Variants in CFAP47 observed in about 807,000 individuals in gnomAD.
CFAP47 encodes cilia- and flagella-associated protein 47.
Under a neutral mutation model 148.1 loss-of-function variants are expected in CFAP47, and 29 were observed. The ratio of observed to expected loss-of-function variants is 0.20; its 90% CI spans 0.15 to 0.27. The LOEUF is 0.27. CFAP47 is among the 10% of genes least tolerant of loss of function. The pLI, the probability that CFAP47 is intolerant of heterozygous loss-of-function variation, is 1.00. For missense variants in CFAP47, 1,872 were observed against 1,697.5 expected, an observed-to-expected ratio of 1.10 and a Z score of -1.81; for synonymous variants, 664 against 577.3, an observed-to-expected ratio of 1.15 and a Z score of -2.15.
chrX:36,134,582 GT>G (rs199989412), intron 33 of CFAP47, among the ~76,000 whole-genome samples: 4,830 of 111,254 alleles, frequency 0.043, 267 homozygotes, highest in African/African-American at 0.15. Flanking sequence ...AAGTGCATAT[GT>G]AAAAAATGAG....
intron 28 of CFAP47, among the ~76,000 whole-genome samples, chrX:36,072,525 C>T (rs933517140): frequency 2.7e-5 from 3 of 111,810 alleles, no homozygotes; most frequent in Non-Finnish European, 5.6e-5. Context: ...ATATTTATTT[C>T]TCTGGATGTA....
At chrX:36,032,600 C>T (rs1413881688) in intron 23 of CFAP47, among the ~76,000 whole-genome samples, 1 of 110,467 alleles carries the variant, frequency 9.1e-6, no homozygotes, top group Non-Finnish European at 1.9e-5. Context: ...ATATGAATAT[C>T]CAAAATAGGA....
chrX:35,974,174 T>C (rs138703228), intron 13 of CFAP47, among the ~76,000 whole-genome samples: 1,970 of 111,801 alleles, frequency 0.018, 18 homozygotes, highest in Non-Finnish European at 0.031. Context: ...TTTTACCAGG[T>C]GGTTAGCATC....
At chrX:36,254,472 A>T (rs949400043) in intron 49 of CFAP47, among the ~76,000 whole-genome samples, 2 of 110,731 alleles carry the variant, frequency 1.8e-5, no homozygotes, top group Non-Finnish European at 3.8e-5. Flanking sequence ...ACTGAGTTTG[A>T]AAAAGGGAAA....
At position 35,998,768 on chromosome X, in the gene CFAP47, TTAAACTCTG is replaced by T. The variant is rs761148851; in HGVS notation, c.3177+1382_3177+1390del. On this transcript the variant is annotated intron_variant, in intron 19 of 63. Coordinates refer to ENST00000378653, the MANE Select transcript of CFAP47 (RefSeq NM_001304548.2). ...CCAAGGCTGTGGTGATTCCTGGAGG[TTAAACTCTG>T]TAGTATCCAGAGTGTTTTTTGCATT... Among the ~76,000 whole-genome samples the T allele has an allele frequency of 3.6e-5, 4 of 111,791 alleles. No homozygotes were observed. The East Asian group carries it at 1.1e-3, about 31-fold the overall frequency.
At chrX:36,290,053 C>G (rs1264889301) in intron 51 of CFAP47, among the ~76,000 whole-genome samples, 1 of 110,540 alleles carries the variant, frequency 9.0e-6, no homozygotes, top group Non-Finnish European at 1.9e-5. Context: ...TCCTCCCTCC[C>G]TCTTCTCTTC....
chrX:36,063,352 C>T (rs1017944075), intron 26 of CFAP47, among the ~76,000 whole-genome samples: 2 of 111,046 alleles, frequency 1.8e-5, no homozygotes, highest in Non-Finnish European at 3.8e-5. Flanking sequence ...ACTGTATGTC[C>T]TTTTTTCTGT....
chrX:35,974,888 G>A (rs1936545483), intron 13 of CFAP47, among the ~76,000 whole-genome samples: 1 of 110,117 alleles, frequency 9.1e-6, no homozygotes, highest in African/African-American at 3.3e-5. Context: ...TGTAGTGAAT[G>A]GTTCTTATTT....
At chrX:36,279,287 A>T (rs1345637798) in intron 49 of CFAP47, among the ~76,000 whole-genome samples, 1 of 111,954 alleles carries the variant, frequency 8.9e-6, no homozygotes, top group Non-Finnish European at 1.9e-5. Context: ...TTATTTCAAG[A>T]TGATTTTACT....
intron 39 of CFAP47, among the ~76,000 whole-genome samples, chrX:36,172,030 A>G (rs1470004206): frequency 9.1e-6 from 1 of 109,775 alleles, no homozygotes; most frequent in Non-Finnish European, 1.9e-5. Context: ...TGTAAGTTGA[A>G]TTCCTAGGTA....
intron 18 of CFAP47, among the ~76,000 whole-genome samples, chrX:35,995,294 G>C (rs868570854): frequency 9.0e-6 from 1 of 111,557 alleles, no homozygotes; most frequent in African/African-American, 3.3e-5. Flanking sequence ...TATATGACCC[G>C]TGTAAGTTTT....
At chrX:36,269,008 T>C (rs782586712) in intron 49 of CFAP47, among the ~76,000 whole-genome samples, 6 of 112,147 alleles carry the variant, frequency 5.4e-5, no homozygotes, top group Non-Finnish European at 1.1e-4. Context: ...GAATTGGCTC[T>C]TAAATCTTTT....
At chrX:35,924,561 G>A (rs768734847) in intron 1 of CFAP47, among the ~76,000 whole-genome samples, 1 of 104,388 alleles carries the variant, frequency 9.6e-6, no homozygotes, top group Non-Finnish European at 2.0e-5. Flanking sequence ...GTATATATGC[G>A]CATATATGTG....
At chrX:35,976,868 A>G (rs926804471) in intron 15 of CFAP47, among the ~76,000 whole-genome samples, 3 of 111,658 alleles carry the variant, frequency 2.7e-5, no homozygotes, top group Admixed American at 1.9e-4. Flanking sequence ...CGTGCCCTGT[A>G]TTTGTGAAGC....
chrX:36,170,982 T>C (rs1294636739), intron 39 of CFAP47, among the ~76,000 whole-genome samples: 1 of 110,469 alleles, frequency 9.1e-6, no homozygotes, highest in African/African-American at 3.3e-5. Flanking sequence ...TTTTAATGAT[T>C]GCCATTCTAC....
At chrX:36,066,889 G>T (rs1266369671) in intron 27 of CFAP47, among the ~76,000 whole-genome samples, 3 of 111,526 alleles carry the variant, frequency 2.7e-5, no homozygotes, top group Non-Finnish European at 5.7e-5. Context: ...AGCAGCAGAG[G>T]AAATTAAACA....
intron 49 of CFAP47, among the ~76,000 whole-genome samples, chrX:36,277,981 G>T (rs1248886509): frequency 9.0e-6 from 1 of 111,449 alleles, no homozygotes; most frequent in Admixed American, 9.5e-5. Context: ...ATGGGCACCA[G>T]CCTGTATGAG....
chrX:36,161,691 T>G (rs1329402220), intron 39 of CFAP47, among the ~76,000 whole-genome samples: 2 of 112,110 alleles, frequency 1.8e-5, no homozygotes, highest in Non-Finnish European at 3.8e-5. Context: ...CAGATTCTTA[T>G]GATACTTATA....
chrX:36,225,747 A>G (rs956131759), intron 45 of CFAP47, among the ~76,000 whole-genome samples: 9 of 111,273 alleles, frequency 8.1e-5, no homozygotes, highest in Non-Finnish European at 1.5e-4. Context: ...CAGAGAGGCA[A>G]TGCCAGAGGA....
Sources: gnomAD v4.1 joint callset for allele counts (sites outside exome capture counted in the v4.1 genomes callset) on GRCh38, gnomAD v4.1.1 for gene constraint, MANE v1.5 for transcripts, NCBI Gene and HGNC (gene_info 2026-07-23, HGNC 2026-07-21) for gene names.